RNF144B: variants seen among roughly 807,000 people sequenced by gnomAD.
RNF144B encodes the protein ring finger protein 144B, also known as E3 ubiquitin-protein ligase RNF144B.
RNF144B carries 25 observed loss-of-function variants against 40.2 expected under a neutral mutation model. The observed-to-expected ratio is 0.62, with a 90% CI of 0.45 to 0.87. The LOEUF is 0.87. Ranked by LOEUF, RNF144B falls within the 40% of genes least tolerant of loss-of-function variation. The probability of loss-of-function intolerance (pLI) is 0.00; values close to 1 mark genes in which losing one functional copy is unlikely to be tolerated. For synonymous variants in RNF144B, 145 were observed against 136.3 expected (o/e 1.06, Z -0.44); for missense variants, 365 against 373.7 (o/e 0.98, Z 0.19).
At position 18,460,726 on chromosome 6, in the gene RNF144B, A is replaced by G. The variant is rs1042713748; in HGVS notation, c.681+975A>G. Among the ~76,000 whole-genome samples the G allele has an allele frequency of 6.6e-6, 1 of 151,994 alleles. No individual in the cohort carries two copies. Among genetic ancestry groups the G allele is most frequent in the Non-Finnish European group, 1.5e-5 (1 of 67,982 alleles). ...GGGCTTGGCTTAATTTTTTCTCACC[A>G]TTCATGAATCAAGTCTCAAATTGAG... On this transcript the variant is annotated intron_variant, in intron 6 of 7. Transcript: ENST00000259939. The surrounding 1 kb of genome is among the most constrained non-coding windows in gnomAD (Gnocchi z 4.4).
chr6:18,409,154 G>A (rs1481508841), intron 2 of RNF144B, among the ~76,000 whole-genome samples: 1 of 151,834 alleles, frequency 6.6e-6, no homozygotes, highest in African/African-American at 2.4e-5. Flanking sequence ...GAGGCGGGTG[G>A]ATCACTTGGG....
chr6:18,399,424 T>C, intron 1 of RNF144B, 75 bp from the exon 2 acceptor site: 1 of 1,030,014 alleles, frequency 9.7e-7, no homozygotes. Flanking sequence ...TTTGATCAGC[T>C]GGCCTCCAGA....
intron 2 of RNF144B, among the ~76,000 whole-genome samples, chr6:18,403,711 G>A (rs73375938): frequency 0.028 from 4,334 of 152,244 alleles, 193 homozygotes; most frequent in African/African-American, 0.098. Flanking sequence ...AGAATACAGA[G>A]GCTAGGTAAT....
rs2113475626 is a variant in RNF144B, at chr6:18,410,200, C to T, written c.165+10501C>T. Among the ~76,000 whole-genome samples, 1 of 152,290 alleles carries T rather than the reference C, an allele frequency of 6.6e-6. No homozygotes were observed. The highest frequency in any genetic ancestry group is 2.1e-4 in the South Asian group (1 of 4,824). ...CTAAGTCACCAAAGTTTATGTATTTCTTCTTTTGAAGTTGCACCCTTATTC... is the reference window on the plus strand; with the variant it reads ...CTAAGTCACCAAAGTTTATGTATTTTTTCTTTTGAAGTTGCACCCTTATTC... On this transcript the variant is annotated intron_variant, in intron 2 of 7. Coordinates refer to ENST00000259939, the MANE Select transcript of RNF144B (RefSeq NM_182757.4). The surrounding 1 kb of genome is among the most constrained non-coding windows in gnomAD (Gnocchi z 4.6).
chr6:18,440,272 A>G (rs1758929827), intron 4 of RNF144B, among the ~76,000 whole-genome samples: 1 of 152,184 alleles, frequency 6.6e-6, no homozygotes, highest in South Asian at 2.1e-4. Context: ...GGGGTAACAT[A>G]TAGCTTTTCT....
At position 18,397,790 on chromosome 6, in the gene RNF144B, G is replaced by C. The variant is rs191284883; in HGVS notation, c.-36-1709G>C. ...TGTGATATCCACACAAGGCAGCTCT[G>C]GTGTAATGGATCTGGCACTGGGCTT... is the stretch of plus-strand genomic sequence containing the variant. On this transcript the variant is annotated intron_variant, in intron 1 of 7. Transcript: ENST00000259939. Among the ~76,000 whole-genome samples the C allele has an allele frequency of 2.6e-3, 401 of 152,136 alleles. 1 individual carries two copies. The highest frequency in any genetic ancestry group is 0.01 in the Middle Eastern group (3 of 294).
Position 18,425,488 on chromosome 6 carries a change from G to A in RNF144B, c.166-2093G>A, listed in dbSNP as rs1022689337. On this transcript the variant is annotated intron_variant, in intron 2 of 7. Coordinates refer to ENST00000259939, the MANE Select transcript of RNF144B (RefSeq NM_182757.4). This position sits in a 1 kb window ranked among gnomAD's most constrained non-coding sequence, Gnocchi z 4.2. ...GCCTTGACTGTTCCCCTGGGTGTTC[G>A]CCTGCCCATTGACATTCTTCCCCAT... Among the ~76,000 whole-genome samples the A allele has an allele frequency of 2.0e-5, 3 of 152,046 alleles. No homozygotes were observed. The highest frequency in any genetic ancestry group is 4.4e-5 in the Non-Finnish European group (3 of 68,016).
Position 18,410,155 on chromosome 6 carries a change from G to T in RNF144B, c.165+10456G>T, listed in dbSNP as rs1228825724. Among the ~76,000 whole-genome samples, 1 of 152,168 alleles carries T rather than the reference G, an allele frequency of 6.6e-6. No individual in the cohort carries two copies. The highest frequency in any genetic ancestry group is 1.5e-5 in the Non-Finnish European group (1 of 68,032). On this transcript the variant is annotated intron_variant, in intron 2 of 7. Coordinates refer to ENST00000259939, the MANE Select transcript of RNF144B (RefSeq NM_182757.4). This position sits in a 1 kb window ranked among gnomAD's most constrained non-coding sequence, Gnocchi z 4.6. ...AGGCAAAAGTTGGTTTCTGATGAGAGAACTTTTCCATTGTTGCCACTAAGT... is the reference window on the plus strand; with the variant it reads ...AGGCAAAAGTTGGTTTCTGATGAGATAACTTTTCCATTGTTGCCACTAAGT...
Position 18,448,390 on chromosome 6 carries a change from G to A in RNF144B, c.331+8646G>A, listed in dbSNP as rs1444540661. Among the ~76,000 whole-genome samples, 1 of 152,170 alleles carries A rather than the reference G, an allele frequency of 6.6e-6. No individual in the cohort carries two copies. Among genetic ancestry groups the A allele is most frequent in the African/African-American group, 2.4e-5 (1 of 41,526 alleles). On this transcript the variant is annotated intron_variant, in intron 4 of 7. Transcript: ENST00000259939. This position sits in a 1 kb window ranked among gnomAD's most constrained non-coding sequence, Gnocchi z 4.0. ...CAGCCTAGTAGATTGGTCTGCATGG[G>A]TTCTCTTCTAGTTGCTTGCTTCCTA...
Position 18,425,462 on chromosome 6 carries a change from C to T in RNF144B, c.166-2119C>T, listed in dbSNP as rs529578447. On this transcript the variant is annotated intron_variant, in intron 2 of 7. Transcript: ENST00000259939. This position sits in a 1 kb window ranked among gnomAD's most constrained non-coding sequence, Gnocchi z 4.2. Reference sequence around the variant, plus strand: ...TGGCAAAACACTCCTTTTGGTGAGCCGCCTTGACTGTTCCCCTGGGTGTTC... The same window carrying T: ...TGGCAAAACACTCCTTTTGGTGAGCTGCCTTGACTGTTCCCCTGGGTGTTC... Among the ~76,000 whole-genome samples, 2 of 152,242 alleles carry T rather than the reference C, an allele frequency of 1.3e-5. No individual in the cohort carries two copies. The highest frequency in any genetic ancestry group is 2.9e-5 in the Non-Finnish European group (2 of 68,010).
At chr6:18,417,250 T>C (rs562722492) in intron 2 of RNF144B, among the ~76,000 whole-genome samples, 2 of 152,232 alleles carry the variant, frequency 1.3e-5, no homozygotes, top group East Asian at 1.9e-4. Flanking sequence ...CTATGGAAAT[T>C]TGAGCAACCT....
intron 6 of RNF144B, among the ~76,000 whole-genome samples, chr6:18,461,757 G>C (rs1427094810): frequency 1.3e-5 from 2 of 152,118 alleles, no homozygotes; most frequent in African/African-American, 4.8e-5. Flanking sequence ...TTTTCTCTAC[G>C]CAAGTGGAGT....
At chr6:18,428,741 C>T (rs572430811) in intron 3 of RNF144B, among the ~76,000 whole-genome samples, 11 of 152,276 alleles carry the variant, frequency 7.2e-5, no homozygotes, top group Middle Eastern at 3.4e-3. Context: ...CTACCTAATC[C>T]TCTCAACAGA....
At chr6:18,407,427 G>C (rs1794934656) in intron 2 of RNF144B, among the ~76,000 whole-genome samples, 1 of 152,126 alleles carries the variant, frequency 6.6e-6, no homozygotes, top group African/African-American at 2.4e-5. Context: ...TTATATAGAA[G>C]ATTACAGTAG....
At chr6:18,409,375 CAAAAAAAAA>C (rs770011648) in intron 2 of RNF144B, among the ~76,000 whole-genome samples, 4 of 59,556 alleles carry the variant, frequency 6.7e-5, no homozygotes, top group Admixed American at 2.8e-4. Flanking sequence ...GAGACTGTCT[CAAAAAAAAA>C]AAAAAAAAAA....
chr6:18,435,609 C>T (rs1277987593), intron 3 of RNF144B, among the ~76,000 whole-genome samples: 2 of 152,136 alleles, frequency 1.3e-5, no homozygotes, highest in African/African-American at 4.8e-5. Flanking sequence ...TATCTCCCTA[C>T]AAGGTAATTG....
At position 18,399,711 on chromosome 6, in the gene RNF144B, T is replaced by C; in HGVS notation, c.165+12T>C. 6.2e-7 allele frequency: 1 copy of C among 1,600,456 alleles called. No individual in the cohort carries two copies. Among genetic ancestry groups the C allele is most frequent in the Non-Finnish European group, 8.6e-7 (1 of 1,168,706 alleles). ...TCTTTTGCACAGCTGTGAGTTTTCC[T>C]TGATGCTTTCACTATGAGAAAATAC... is the stretch of plus-strand genomic sequence containing the variant. On this transcript the variant is annotated intron_variant, in intron 2 of 7. Transcript: ENST00000259939.
chr6:18,405,600 G>A lies in RNF144B; in HGVS notation c.165+5901G>A, dbSNP rs1794888634. Among the ~76,000 whole-genome samples, 3 of 152,196 alleles carry A rather than the reference G, an allele frequency of 2.0e-5. No homozygotes were observed. Among genetic ancestry groups the A allele is most frequent in the Admixed American group, 2.0e-4 (3 of 15,274 alleles). On this transcript the variant is annotated intron_variant, in intron 2 of 7. Coordinates refer to ENST00000259939, the MANE Select transcript of RNF144B (RefSeq NM_182757.4). The surrounding 1 kb of genome is among the most constrained non-coding windows in gnomAD (Gnocchi z 4.5). ...GCTTATATCCATTAAGAGATTTAAT[G>A]ACAATACTATGGTGACTTTTGTATT...
chr6:18,460,865 G>T lies in RNF144B; in HGVS notation c.681+1114G>T, dbSNP rs554754537. On this transcript the variant is annotated intron_variant, in intron 6 of 7. Coordinates refer to ENST00000259939, the MANE Select transcript of RNF144B (RefSeq NM_182757.4). The surrounding 1 kb of genome is among the most constrained non-coding windows in gnomAD (Gnocchi z 4.4). ...CACTTCTGGTCTTTTAAAGTTTGGG[G>T]TAACATAAGTTGTTTATAGATAACA... Among the ~76,000 whole-genome samples, 3 of 152,292 alleles carry T rather than the reference G, an allele frequency of 2.0e-5. No homozygotes were observed. The East Asian group carries it at 5.8e-4, about 29-fold the overall frequency.
Sources: allele counts gnomAD v4.1 joint callset (sites outside exome capture counted in the v4.1 genomes callset), GRCh38; gene constraint gnomAD v4.1.1; non-coding constraint Gnocchi (gnomAD v3.1); transcripts MANE v1.5; gene names NCBI Gene and HGNC (gene_info 2026-07-23, HGNC 2026-07-21).